Variants in BACH2 observed in about 807,000 individuals in gnomAD.
The protein encoded by BACH2 is BACH transcriptional regulator 2, also known as transcription regulator protein BACH2.
In BACH2, 5 loss-of-function variants were observed where a neutral mutation model predicts 61.8. That is an observed-to-expected ratio of 0.08 (90% CI 0.04 to 0.17). BACH2 has a LOEUF of 0.17. Among genes scored for constraint, BACH2 ranks in the 10% least tolerant of loss-of-function variants. The pLI is 1.00. For missense variants in BACH2, 824 were observed against 1,091.1 expected (o/e 0.76, Z 3.45); for synonymous variants, 446 against 440.1 (o/e 1.01, Z -0.17).
intron 8 of BACH2, 119 bp from the exon 9 acceptor site, chr6:89,933,009 G>T: frequency 1.7e-6 from 2 of 1,148,292 alleles, no homozygotes; most frequent in African/African-American, 1.6e-5. Flanking sequence ...ACTCAAGAAT[G>T]ACTAGGTCAG....
chr6:89,955,270 G>A (rs980438332), intron 6 of BACH2, among the ~76,000 whole-genome samples: 4 of 152,082 alleles, frequency 2.6e-5, no homozygotes, highest in African/African-American at 9.7e-5. Context: ...TAGGACTCAG[G>A]CCTGTGCTCA....
At chr6:90,258,873 G>GA (rs528590405) in intron 2 of BACH2, among the ~76,000 whole-genome samples, 91 of 151,750 alleles carry the variant, frequency 6.0e-4, no homozygotes, top group African/African-American at 2.0e-3. Context: ...TAATTGGTAT[G>GA]AAAAAAAACG....
intron 5 of BACH2, among the ~76,000 whole-genome samples, chr6:90,025,298 G>A (rs1778578804): frequency 6.6e-6 from 1 of 152,138 alleles, no homozygotes; most frequent in African/African-American, 2.4e-5. Flanking sequence ...GCTTGCTTTT[G>A]CTTCTTTTGT....
chr6:90,258,258 A>C (rs1042219065), intron 2 of BACH2, among the ~76,000 whole-genome samples: 1 of 152,168 alleles, frequency 6.6e-6, no homozygotes, highest in Non-Finnish European at 1.5e-5. Flanking sequence ...ATACGATAAC[A>C]GTCCAATTCC....
chr6:90,175,796 G>A (rs1767965452), intron 4 of BACH2, among the ~76,000 whole-genome samples: 1 of 152,072 alleles, frequency 6.6e-6, no homozygotes, highest in Non-Finnish European at 1.5e-5. Flanking sequence ...GAGCCCGGCT[G>A]GTAGCATGCC....
chr6:90,296,291 C>T (rs556130845), intron 1 of BACH2, among the ~76,000 whole-genome samples, 189 bp downstream of exon 1: 22 of 151,770 alleles, frequency 1.4e-4, no homozygotes, highest in South Asian at 6.2e-4. Context: ...CACCCCCTTC[C>T]CGTTCCTAGA....
intron 5 of BACH2, among the ~76,000 whole-genome samples, chr6:90,033,521 A>G (rs1013652642): frequency 3.9e-5 from 6 of 152,206 alleles, no homozygotes; most frequent in African/African-American, 9.6e-5. Flanking sequence ...CAACCAATGT[A>G]AAAACAAACC....
In BACH2 at chr6:90,171,043, T is replaced by A. The variant is rs182525121; in HGVS notation, c.-162+35526A>T. 6.9e-3 allele frequency among the ~76,000 whole-genome samples: 1,022 copies of A among 149,188 alleles called. 15 individuals carry two copies. The highest frequency in any genetic ancestry group is 0.024 in the African/African-American group (957 of 40,538). On this transcript the variant is annotated intron_variant, in intron 4 of 8. Transcript: ENST00000257749. ...GTGGGTAAATTAAAAAAAAAAAAAA[T>A]CTTCCCAGAAATAGAAGACAGAATA...
chr6:90,007,459 A>C (rs1241646326), intron 6 of BACH2, among the ~76,000 whole-genome samples: 1 of 152,098 alleles, frequency 6.6e-6, no homozygotes, highest in Non-Finnish European at 1.5e-5. Context: ...ACTCTACTGC[A>C]CCTGGCTTCT....
intron 3 of BACH2, among the ~76,000 whole-genome samples, chr6:90,216,208 AAAAC>A (rs1311667908): frequency 6.6e-6 from 1 of 152,176 alleles, no homozygotes; most frequent in Non-Finnish European, 1.5e-5. Context: ...TAGTCCTCAC[AAAAC>A]AAACAGAGGA....
intron 1 of BACH2, among the ~76,000 whole-genome samples, 180 bp downstream of exon 1, chr6:90,296,300 G>C (rs1336095168): frequency 3.3e-5 from 5 of 151,696 alleles, no homozygotes; most frequent in East Asian, 3.9e-4. Context: ...CCCGTTCCTA[G>C]AAAATGCCAT....
intron 5 of BACH2, among the ~76,000 whole-genome samples, chr6:90,087,324 C>T (rs777376974): frequency 3.9e-5 from 6 of 152,130 alleles, no homozygotes; most frequent in African/African-American, 7.2e-5. Context: ...ATTTAAAATG[C>T]CCAGAAATTT....
At chr6:90,142,080 C>CA (rs1352831066) in intron 4 of BACH2, among the ~76,000 whole-genome samples, 1 of 151,996 alleles carries the variant, frequency 6.6e-6, no homozygotes, top group South Asian at 2.1e-4. Flanking sequence ...GACTCTGTCT[C>CA]AAAAAAAATT....
intron 2 of BACH2, among the ~76,000 whole-genome samples, chr6:90,259,230 C>A (rs619192): frequency 2.6e-5 from 4 of 152,032 alleles, no homozygotes; most frequent in African/African-American, 9.7e-5. Flanking sequence ...CTTTATTACA[C>A]AGAGAAGCTT....
chr6:90,285,679 C>A (rs1404158626), intron 1 of BACH2, among the ~76,000 whole-genome samples: 1 of 152,096 alleles, frequency 6.6e-6, no homozygotes, highest in African/African-American at 2.4e-5. Context: ...AGAAGAGGAC[C>A]CAGCTCAGCA....
chr6:90,057,689 C>G (rs534206225), intron 5 of BACH2, among the ~76,000 whole-genome samples: 1 of 152,202 alleles, frequency 6.6e-6, no homozygotes, highest in African/African-American at 2.4e-5. Flanking sequence ...AATTTTAGAC[C>G]AATATCCTTG....
intron 4 of BACH2, among the ~76,000 whole-genome samples, chr6:90,130,321 T>TACA (rs1413512878): frequency 1.3e-5 from 2 of 152,186 alleles, no homozygotes. Flanking sequence ...TGACCTAGGA[T>TACA]ACAGGTGTTA....
At chr6:90,124,200 G>T (rs7742838) in intron 4 of BACH2, among the ~76,000 whole-genome samples, 5,250 of 152,228 alleles carry the variant, frequency 0.034, 119 homozygotes, top group South Asian at 0.089. Context: ...ATCTGCAGCT[G>T]CAGCCAACTT....
intron 8 of BACH2, among the ~76,000 whole-genome samples, chr6:89,933,637 G>A (rs1355485980): frequency 6.6e-6 from 1 of 152,108 alleles, no homozygotes; most frequent in East Asian, 1.9e-4. Context: ...AGGACCATAT[G>A]GAAACTCTCT....
Sources: gnomAD v4.1 joint callset for allele counts (sites outside exome capture counted in the v4.1 genomes callset) on GRCh38, gnomAD v4.1.1 for gene constraint, MANE v1.5 for transcripts, NCBI Gene and HGNC (gene_info 2026-07-23, HGNC 2026-07-21) for gene names.